FBRSL1: variants seen among roughly 807,000 people sequenced by gnomAD.
FBRSL1 encodes the protein fibrosin-1-like protein.
In FBRSL1, 51 loss-of-function variants were observed where a neutral mutation model predicts 89.6. The ratio of observed to expected loss-of-function variants is 0.57; its 90% CI spans 0.45 to 0.72. The LOEUF is 0.72. Ranked by LOEUF, FBRSL1 falls within the 30% of genes least tolerant of loss-of-function variation. The probability of loss-of-function intolerance (pLI) is 0.00; values close to 1 mark genes in which losing one functional copy is unlikely to be tolerated. For missense variants in FBRSL1, 1,618 were observed against 1,451.8 expected (o/e 1.11, Z -1.86); for synonymous variants, 779 against 681.1 (o/e 1.14, Z -2.24).
At chr12:132,551,377 C>T (rs915933442) in intron 5 of FBRSL1, 5 of 455,030 alleles carry the variant, frequency 1.1e-5, no homozygotes, top group South Asian at 3.1e-5. Context: ...CAGCGTCCTG[C>T]GTGGGGTCTG....
chr12:132,510,725 TC>T, intron 2 of FBRSL1: 2 of 1,207,852 alleles, frequency 1.7e-6, no homozygotes, highest in Non-Finnish European at 2.1e-6. Flanking sequence ...ATGCTCCCTC[TC>T]CCCCCACTGG....
At chr12:132,532,974 G>T (rs1291326038) in intron 4 of FBRSL1, among the ~76,000 whole-genome samples, 1 of 152,192 alleles carries the variant, frequency 6.6e-6, no homozygotes, top group Non-Finnish European at 1.5e-5. Flanking sequence ...TTACAAGGCA[G>T]GTTTGTGACA....
chr12:132,505,713 AG>A (rs2033601331), intron 1 of FBRSL1, among the ~76,000 whole-genome samples: 1 of 152,206 alleles, frequency 6.6e-6, no homozygotes. Flanking sequence ...GCAGCTGGGC[AG>A]GGCAGTGCTG....
rs11146955 is a variant in FBRSL1 at position 132,581,511 on chromosome 12, T to C, written c.1907T>C (p.Leu636Pro). The change falls in exon 16 of 19, where the codon CTG becomes CCG. Residue 636 changes from leucine (L) to proline (P), a missense_variant. Physicochemically the swap from Leu to Pro is moderately conservative, Grantham distance 98 (BLOSUM62 -3). Transcript: ENST00000680143. ...GGCAGCTTCCTGCCCACTGGCCCCC[T>C]GACAGGTGGGTGTCTCTGAATTCAG... ...HPGSFLPTGP[L>P]TDPFSRPSTF... is the part of the protein sequence containing the mutation. 0.013 allele frequency: 20,312 copies of C among 1,550,900 alleles called. 516 individuals are homozygous for C. The East Asian group carries it at 0.14, about 11-fold the overall frequency.
intron 4 of FBRSL1, among the ~76,000 whole-genome samples, chr12:132,541,297 CAT>C (rs2137202630): frequency 6.6e-6 from 1 of 152,344 alleles, no homozygotes; most frequent in Admixed American, 6.5e-5. Flanking sequence ...GGGCCCCACC[CAT>C]CCATTCTATG....
intron 5 of FBRSL1, among the ~76,000 whole-genome samples, chr12:132,563,493 G>A (rs1055284064): frequency 5.1e-4 from 78 of 151,800 alleles, no homozygotes; most frequent in African/African-American, 1.8e-3. Flanking sequence ...TCTGTCCGTC[G>A]CGGCATCTGT....
Position 132,583,313 on chromosome 12 carries a change from G to A in FBRSL1, c.2544G>A (p.Pro848=), listed in dbSNP as rs1445491388. ...LGLGRERLGA[P]GFAWEPFRGL... ...TGGGCCGCGAGCGCCTGGGCGCGCC[G>A]GGCTTCGCGTGGGAGCCTTTCCGCG... Residue 848 remains proline (P), a synonymous_variant, in exon 19 of 19, where the codon CCG becomes CCA. Coordinates refer to ENST00000680143, the MANE Select transcript of FBRSL1 (RefSeq NM_001367871.1). 73 of 1,193,444 alleles carry A rather than the reference G, an allele frequency of 6.1e-5. 1 individual carries two copies. Among genetic ancestry groups the A allele is most frequent in the Non-Finnish European group, 7.3e-5 (70 of 961,026 alleles). 73.9% of individuals were successfully genotyped at this position (1,193,444 alleles called of 1,614,324 possible).
chr12:132,508,015 C>T (rs985045933), intron 1 of FBRSL1, 138 bp from the exon 2 acceptor site: 3 of 822,102 alleles, frequency 3.6e-6, no homozygotes, highest in Non-Finnish European at 5.6e-6. Context: ...CGTCCCACAG[C>T]AGCCATCTTC....
intron 5 of FBRSL1, among the ~76,000 whole-genome samples, chr12:132,562,421 C>T (rs918361975): frequency 2.6e-5 from 4 of 152,098 alleles, no homozygotes; most frequent in Non-Finnish European, 4.4e-5. Context: ...AGCTTCCATC[C>T]GACCCGGCCC....
At chr12:132,548,072 C>G (rs914693365) in intron 5 of FBRSL1, 40 bp downstream of exon 5, 96 of 1,548,122 alleles carry the variant, frequency 6.2e-5, no homozygotes, top group Non-Finnish European at 7.2e-5. Context: ...GCTGACAGCC[C>G]TGCCCTTCCC....
At chr12:132,580,033 C>T (rs766344741) in intron 15 of FBRSL1, among the ~76,000 whole-genome samples, 2 of 152,110 alleles carry the variant, frequency 1.3e-5, no homozygotes, top group African/African-American at 2.4e-5. Flanking sequence ...TTGGCTGTGT[C>T]GTCTTTTTTC....
At chr12:132,520,569 G>A (rs2035262519) in intron 2 of FBRSL1, among the ~76,000 whole-genome samples, 2 of 152,200 alleles carry the variant, frequency 1.3e-5, no homozygotes, top group South Asian at 4.1e-4. Flanking sequence ...ACGTGCTGTG[G>A]GTGCGGCATC....
At position 132,510,077 on chromosome 12, in the gene FBRSL1, G is replaced by A. The variant is rs369674001; in HGVS notation, c.489+1727G>A. 5.1e-4 allele frequency: 625 copies of A among 1,230,790 alleles called. 5 individuals carry two copies. The African/African-American group carries it at 8.6e-3, about 17-fold the overall frequency. 76.2% of individuals were successfully genotyped at this position (1,230,790 alleles called of 1,614,324 possible). On this transcript the variant is annotated intron_variant, in intron 2 of 18. Transcript: ENST00000680143. ...CTTCACTCCTGGGCCCGGGACGGCC[G>A]AGGCAGCAGAAGCAGCCGCTCATGG... is the stretch of plus-strand genomic sequence containing the variant.
intron 11 of FBRSL1, among the ~76,000 whole-genome samples, chr12:132,573,569 G>C (rs751106945): frequency 3.3e-5 from 5 of 152,230 alleles, no homozygotes; most frequent in Non-Finnish European, 7.3e-5. Context: ...CCTGAGTCTG[G>C]GAGGGAAGGA....
chr12:132,547,933 G>C, intron 4 of FBRSL1, 70 bp from the exon 5 acceptor site: 1 of 1,525,792 alleles, frequency 6.6e-7, no homozygotes, highest in Non-Finnish European at 8.9e-7. Context: ...CAGCCTGGCT[G>C]CTGCCGTGCC....
At position 132,571,474 on chromosome 12, in the gene FBRSL1, G is replaced by T. The variant is rs535217910; in HGVS notation, c.1377+243G>T. 19 of 1,547,736 alleles carry T rather than the reference G, an allele frequency of 1.2e-5. No individual in the cohort carries two copies. In the South Asian group the frequency reaches 1.5e-4, roughly 13 times the overall value. The stretch of plus-strand genomic sequence containing the variant: ...CACACACCAGCACCAACACACATTC[G>T]CCCCCTTCCCCGCAGGGCTGCCCCC... On this transcript the variant is annotated intron_variant, in intron 9 of 18. Coordinates refer to ENST00000680143, the MANE Select transcript of FBRSL1 (RefSeq NM_001367871.1).
At chr12:132,556,945 G>A (rs2038727274) in intron 5 of FBRSL1, among the ~76,000 whole-genome samples, 1 of 152,224 alleles carries the variant, frequency 6.6e-6, no homozygotes, top group African/African-American at 2.4e-5. Flanking sequence ...CGGAGTGGCA[G>A]CCTTGAGGAA....
At chr12:132,505,489 C>G (rs2033571640) in intron 1 of FBRSL1, among the ~76,000 whole-genome samples, 1 of 152,218 alleles carries the variant, frequency 6.6e-6, no homozygotes, top group African/African-American at 2.4e-5. Flanking sequence ...GTGGTCTGCC[C>G]CAAGGGGAAC....
chr12:132,511,684 G>C, intron 2 of FBRSL1: 3 of 985,500 alleles, frequency 3.0e-6, no homozygotes, highest in Non-Finnish European at 3.6e-6. Flanking sequence ...CAGGTGTCAG[G>C]AAGGGGATGG....
Sources: allele counts gnomAD v4.1 joint callset (sites outside exome capture counted in the v4.1 genomes callset), GRCh38; gene constraint gnomAD v4.1.1; transcripts MANE v1.5; gene names NCBI Gene and HGNC (gene_info 2026-07-23, HGNC 2026-07-21).